The following FAM184A variants were observed in gnomAD, a reference collection of about 807,000 sequenced individuals.
FAM184A encodes protein FAM184A.
Under a neutral mutation model 143.8 loss-of-function variants are expected in FAM184A, and 99 were observed. The ratio of observed to expected loss-of-function variants is 0.69; its 90% confidence interval spans 0.58 to 0.81. The LOEUF is 0.81. FAM184A is among the 40% of genes least tolerant of loss of function. FAM184A has a pLI of 0.00. For missense variants in FAM184A, 1,217 were observed against 1,310.5 expected (o/e 0.93, Z 1.10); for synonymous variants, 427 against 446.4 (o/e 0.96, Z 0.55).
chr6:119,078,870 C>G (rs998736831), upstream of FAM184A: 2 of 153,386 alleles, frequency 1.3e-5, no homozygotes, highest in African/African-American at 4.8e-5. The surrounding 1 kb of genome is among the most constrained non-coding windows in gnomAD (Gnocchi z 5.5). Context: ...GAGGTCGATC[C>G]GGGATCGTGC....
chr6:119,049,806 A>T (rs1250300431), intron 1 of FAM184A, among the ~76,000 whole-genome samples: 1 of 152,212 alleles, frequency 6.6e-6, no homozygotes, highest in Admixed American at 6.5e-5. Context: ...ACCAAAAACA[A>T]TCACGACAAA....
In FAM184A at chr6:119,003,055, A is replaced by G. The variant is rs747962141; in HGVS notation, c.1938-6T>C. 6.3e-6 allele frequency: 10 copies of G among 1,591,296 alleles called. No individual in the cohort carries two copies. The highest frequency in any genetic ancestry group is 1.2e-5 in the South Asian group (1 of 86,770). ...GAAGTTTAGAACACTCTTGTCTAAA[A>G]TAAAACAACTGCATTTACTTTGTAA... On this transcript the variant is annotated splice_polypyrimidine_tract_variant and splice_region_variant and intron_variant, in intron 8 of 17. Coordinates refer to ENST00000338891, the MANE Select transcript of FAM184A (RefSeq NM_024581.6).
At chr6:118,989,367 T>TAA (rs1784293487) in intron 9 of FAM184A, among the ~76,000 whole-genome samples, 2 of 152,176 alleles carry the variant, frequency 1.3e-5, no homozygotes, top group South Asian at 4.1e-4. Context: ...TCACCTCATT[T>TAA]TTTACCTTCC....
At chr6:119,072,644 G>C (rs1787732774) in intron 1 of FAM184A, among the ~76,000 whole-genome samples, 1 of 152,042 alleles carries the variant, frequency 6.6e-6, no homozygotes, top group African/African-American at 2.4e-5. Flanking sequence ...TAAAATGACT[G>C]ATCACAAGGC....
In FAM184A at chr6:118,991,444, T is replaced by C. The variant is rs567206157; in HGVS notation, c.2089-11094A>G. 7.2e-5 allele frequency among the ~76,000 whole-genome samples: 11 copies of C among 152,176 alleles called. 1 individual carries two copies. Among genetic ancestry groups the C allele is most frequent in the African/African-American group, 2.7e-4 (11 of 41,454 alleles). ...TCCTAAAGTGCTGGGATTACAGGTG[T>C]GAGCCACCGTTCCCGGCCAGAAAAG... On this transcript the variant is annotated intron_variant, in intron 9 of 17. Transcript: ENST00000338891.
chr6:119,059,700 A>G (rs1220304838), intron 1 of FAM184A, among the ~76,000 whole-genome samples: 1 of 152,212 alleles, frequency 6.6e-6, no homozygotes, highest in African/African-American at 2.4e-5. Flanking sequence ...GCACCCAACT[A>G]TAAACATCAT....
intron 1 of FAM184A, among the ~76,000 whole-genome samples, chr6:119,069,475 C>T (rs758767247): frequency 3.3e-5 from 5 of 152,222 alleles, no homozygotes; most frequent in Admixed American, 2.0e-4. Context: ...CACATAGACA[C>T]ACATTCGCCA....
intron 1 of FAM184A, among the ~76,000 whole-genome samples, chr6:119,032,856 T>C (rs375194060): frequency 3.0e-4 from 45 of 152,352 alleles, no homozygotes; most frequent in African/African-American, 1.1e-3. Context: ...TCAATTCTTC[T>C]AGTTGAGCTA....
At chr6:118,960,426 G>A (rs1783284421) in intron 17 of FAM184A, among the ~76,000 whole-genome samples, 1 of 151,658 alleles carries the variant, frequency 6.6e-6, no homozygotes, top group South Asian at 2.1e-4. Context: ...CAATCACAAA[G>A]AACAAAAAAC....
chr6:118,997,569 T>A (rs1784611404), intron 9 of FAM184A, among the ~76,000 whole-genome samples: 1 of 151,922 alleles, frequency 6.6e-6, no homozygotes, highest in Admixed American at 6.6e-5. Context: ...GCACTTGTAG[T>A]CCCAGCTACT....
intron 1 of FAM184A, among the ~76,000 whole-genome samples, chr6:119,098,613 G>T (rs1384132232): frequency 2.0e-5 from 3 of 152,176 alleles, no homozygotes; most frequent in African/African-American, 7.2e-5. Context: ...ATTTGGAATT[G>T]GTTGAGGAAG....
intron 1 of FAM184A, among the ~76,000 whole-genome samples, chr6:119,048,986 T>C (rs1159429803): frequency 6.6e-6 from 1 of 152,216 alleles, no homozygotes; most frequent in African/African-American, 2.4e-5. Context: ...AATGATATTC[T>C]TCACAGAACT....
intron 1 of FAM184A, among the ~76,000 whole-genome samples, chr6:119,057,251 TAA>T (rs576572841): frequency 4.7e-4 from 72 of 152,290 alleles, no homozygotes; most frequent in African/African-American, 1.7e-3. Flanking sequence ...TTCCAATAGG[TAA>T]AAGACTGGGA....
chr6:118,998,495 G>A (rs1450856677), intron 9 of FAM184A, among the ~76,000 whole-genome samples: 1 of 152,006 alleles, frequency 6.6e-6, no homozygotes, highest in Non-Finnish European at 1.5e-5. Flanking sequence ...ATACTGTGTA[G>A]AAGTAAATGT....
At chr6:119,103,519 A>G (rs1788697418) in intron 1 of FAM184A, among the ~76,000 whole-genome samples, 1 of 152,204 alleles carries the variant, frequency 6.6e-6, no homozygotes, top group African/African-American at 2.4e-5. Context: ...GCAAGACAAA[A>G]CTAGAAGATT....
At chr6:119,063,112 T>A (rs1787319664) in intron 1 of FAM184A, among the ~76,000 whole-genome samples, 1 of 152,196 alleles carries the variant, frequency 6.6e-6, no homozygotes, top group African/African-American at 2.4e-5. Flanking sequence ...ATATACCTAG[T>A]AAATAGGAGA....
chr6:119,091,132 T>A (rs1274713156), intron 1 of FAM184A, among the ~76,000 whole-genome samples: 1 of 152,226 alleles, frequency 6.6e-6, no homozygotes, highest in Non-Finnish European at 1.5e-5. Context: ...ATTAATGCTG[T>A]GTACTAATGC....
At chr6:119,136,284 C>CAAAAA (rs11454485) in intron 1 of FAM184A, among the ~76,000 whole-genome samples, 15 of 65,860 alleles carry the variant, frequency 2.3e-4, no homozygotes, top group East Asian at 4.4e-4. Flanking sequence ...GACTCCGTCT[C>CAAAAA]AAAAAAAAAA....
At chr6:119,115,629 G>A (rs930215760) in intron 1 of FAM184A, among the ~76,000 whole-genome samples, 3 of 152,130 alleles carry the variant, frequency 2.0e-5, no homozygotes, top group African/African-American at 7.2e-5. Flanking sequence ...TCTGAGTACA[G>A]CAGGTCAAGT....
Sources: allele counts gnomAD v4.1 joint callset (sites outside exome capture counted in the v4.1 genomes callset), GRCh38; gene constraint gnomAD v4.1.1; non-coding constraint Gnocchi (gnomAD v3.1); transcripts MANE v1.5; gene names NCBI Gene and HGNC (gene_info 2026-07-23, HGNC 2026-07-21).